Variants in KL observed in about 807,000 individuals in gnomAD.
KL encodes the protein alpha-klotho.
KL carries 62 observed loss-of-function variants against 84.2 expected under a neutral mutation model. The observed-to-expected ratio is 0.74, with a 90% confidence interval of 0.60 to 0.91. The LOEUF (loss-of-function observed/expected upper bound fraction) is 0.91, where lower values mean the gene tolerates loss of function less well. KL is among the 40% of genes least tolerant of loss of function. KL has a pLI of 0.00. For missense variants in KL, 1,261 were observed against 1,305.7 expected (o/e 0.97, Z 0.53); for synonymous variants, 528 against 528.0 (o/e 1.00, Z 0.00).
chr13:33,051,000 G>A (rs116166343), intron 1 of KL, among the ~76,000 whole-genome samples: 1,873 of 152,256 alleles, frequency 0.012, 39 homozygotes, highest in African/African-American at 0.042. Context: ...TTATCAGTAT[G>A]TCACATCGCT....
chr13:33,017,499 G>A, intron 1 of KL, among the ~76,000 whole-genome samples: 1 of 152,330 alleles, frequency 6.6e-6, no homozygotes, highest in East Asian at 1.9e-4. Flanking sequence ...GAAAGGAAGC[G>A]GTGATAGGTT....
At position 33,019,732 on chromosome 13, in the gene KL, T is replaced by TGTGTGAGAGA. The variant is rs139721497; in HGVS notation, c.819+2474_819+2475insTGTGAGAGAG. ...TGGTGTGTGTGTGTGTGTGTGTGTG[T>TGTGTGAGAGA]GAGAGAGAGAGAGAGAGAGAGAGAG... On this transcript the variant is annotated intron_variant, in intron 1 of 4. Transcript: ENST00000380099. Among the ~76,000 whole-genome samples, 25 of 133,464 alleles carry TGTGTGAGAGA rather than the reference T, an allele frequency of 1.9e-4. No homozygotes were observed. In the South Asian group the frequency reaches 5.5e-3, roughly 29 times the overall value. The allele number at this position is 133,464 out of a possible 152,430, so 87.6% of individuals were successfully genotyped here. A position where few individuals can be genotyped will look rare whatever the true frequency, so the allele number is the denominator to read the frequency against.
intron 1 of KL, among the ~76,000 whole-genome samples, chr13:33,048,825 C>T (rs2283370): frequency 0.11 from 16,789 of 152,120 alleles, 1,236 homozygotes; most frequent in East Asian, 0.29. Flanking sequence ...GTGGGGGATA[C>T]GTATAGGCAA....
chr13:33,043,116 T>A (rs928126252), intron 1 of KL, among the ~76,000 whole-genome samples: 4 of 152,230 alleles, frequency 2.6e-5, no homozygotes, highest in African/African-American at 9.6e-5. Context: ...CTATCTTTAA[T>A]TTTATAAGAA....
At chr13:33,031,408 A>G (rs1045299487) in intron 1 of KL, among the ~76,000 whole-genome samples, 2 of 151,890 alleles carry the variant, frequency 1.3e-5, no homozygotes, top group African/African-American at 2.4e-5. Context: ...ACGATCATAG[A>G]AAACATGATA....
chr13:33,030,222 C>T (rs958899541), intron 1 of KL, among the ~76,000 whole-genome samples: 2 of 152,122 alleles, frequency 1.3e-5, no homozygotes, highest in African/African-American at 4.8e-5. Flanking sequence ...TCGCTTAATA[C>T]TATTACAATG....
At chr13:33,028,495 C>T (rs1316831638) in intron 1 of KL, among the ~76,000 whole-genome samples, 2 of 152,126 alleles carry the variant, frequency 1.3e-5, no homozygotes. Flanking sequence ...TATGAAAGGG[C>T]AGGTCTAACC....
At chr13:33,026,849 T>C (rs1341726486) in intron 1 of KL, among the ~76,000 whole-genome samples, 1 of 152,234 alleles carries the variant, frequency 6.6e-6, no homozygotes, top group East Asian at 1.9e-4. Context: ...CACTGTCCTC[T>C]GGTGGGTTGT....
At chr13:33,062,967 A>G (rs930939632) in intron 4 of KL, among the ~76,000 whole-genome samples, 1 of 152,040 alleles carries the variant, frequency 6.6e-6, no homozygotes, top group South Asian at 2.1e-4. Context: ...GGGAAAATGA[A>G]GTAACAGGTT....
rs963744044 is a variant in KL at position 33,054,903 on chromosome 13, C to A, written c.1331-144C>A. 1.1e-5 allele frequency: 12 copies of A among 1,060,246 alleles called. No individual in the cohort carries two copies. In the Admixed American group the frequency reaches 2.4e-4, roughly 21 times the overall value. 65.7% of individuals were successfully genotyped at this position (1,060,246 alleles called of 1,614,324 possible). On this transcript the variant is annotated intron_variant, in intron 2 of 4. Coordinates refer to ENST00000380099, the MANE Select transcript of KL (RefSeq NM_004795.4). ...TTATATAGGTTTGATTAGAGTCTTT[C>A]GTCAAGAAGAAAAATCATTGGCTTA...
intron 1 of KL, among the ~76,000 whole-genome samples, chr13:33,023,669 T>C (rs1429128143): frequency 6.6e-6 from 1 of 152,118 alleles, no homozygotes; most frequent in East Asian, 1.9e-4. Flanking sequence ...GATTGAACTT[T>C]TGTGGCCCCA....
chr13:33,024,592 G>C (rs149451676), intron 1 of KL, among the ~76,000 whole-genome samples: 1 of 152,242 alleles, frequency 6.6e-6, no homozygotes. Context: ...TCCAGAGGAC[G>C]GCTGCAAAGC....
chr13:33,064,656 T>G lies in KL; in HGVS notation c.*470T>G, dbSNP rs1002909708. On this transcript the variant is annotated 3_prime_UTR_variant, in exon 5 of 5. Transcript: ENST00000380099. ...CTAGTGGCTTCCCCTCTGTCAAATC[T>G]AGTTTCCTATGGAAAAGAAGATGGC... The G allele has an allele frequency of 3.8e-5, 9 of 236,404 alleles. No individual in the cohort carries two copies. The highest frequency in any genetic ancestry group is 7.5e-5 in the Non-Finnish European group (9 of 120,388). The allele number at this position is 236,404 out of a possible 1,614,324, so 14.6% of individuals were successfully genotyped here.
chr13:33,028,022 G>A (rs1425225705), intron 1 of KL, among the ~76,000 whole-genome samples: 2 of 152,260 alleles, frequency 1.3e-5, no homozygotes, highest in Non-Finnish European at 1.5e-5. Flanking sequence ...AAGAGTTTCA[G>A]TTGGCACTGT....
At position 33,016,444 on chromosome 13, in the gene KL, C is replaced by T. The variant is rs1425467064; in HGVS notation, c.4C>T (p.Pro2Ser). 27 of 959,334 alleles carry T rather than the reference C, an allele frequency of 2.8e-5. No homozygotes were observed. In the South Asian group the frequency reaches 6.5e-4, roughly 23 times the overall value. The allele number at this position is 959,334 out of a possible 1,614,324, so 59.4% of individuals were successfully genotyped here. Residue 2 changes from proline (P) to serine (S), a missense_variant, in exon 1 of 5, where the codon CCC becomes TCC. Pro to Ser is a moderately conservative substitution (Grantham distance 74). Coordinates refer to ENST00000380099, the MANE Select transcript of KL (RefSeq NM_004795.4). Reference sequence around the variant, plus strand: ...CGGAGCCTGGCTCCCGCGCAGCATGCCCGCCAGCGCCCCGCCGCGCCGCCC... The same window carrying T: ...CGGAGCCTGGCTCCCGCGCAGCATGTCCGCCAGCGCCCCGCCGCGCCGCCC... Reference protein sequence around the residue: MPASAPPRRPRP... With the variant: MSASAPPRRPRP...
chr13:33,033,685 C>T (rs1175539557), intron 1 of KL, among the ~76,000 whole-genome samples: 1 of 151,912 alleles, frequency 6.6e-6, no homozygotes, highest in Non-Finnish European at 1.5e-5. Flanking sequence ...GACTTCCTGT[C>T]TCCTGGAGGC....
rs1871913433 is a variant in KL at position 33,055,239 on chromosome 13, C to T, written c.1523C>T (p.Pro508Leu). ...QKLIEKNGFPPLPENQPLEGT... is the reference protein window; with the variant it reads ...QKLIEKNGFPLLPENQPLEGT... ...CTGATAGAGAAAAATGGCTTCCCTC[C>T]TTTACCTGAAAATCAGCCCCTAGAA... is the stretch of plus-strand genomic sequence containing the variant. The change falls in exon 3 of 5, where the codon CCT (proline) becomes CTT (leucine). Residue 508 changes from proline to leucine, a missense_variant. Pro to Leu is a moderately conservative substitution (Grantham distance 98, BLOSUM62 -3). Transcript: ENST00000380099. 6.2e-7 allele frequency: 1 copy of T among 1,614,224 alleles called. No homozygotes were observed. Among genetic ancestry groups the T allele is most frequent in the East Asian group, 2.2e-5 (1 of 44,884 alleles).
intron 2 of KL, 23 bp downstream of exon 2, chr13:33,054,300 C>A: frequency 6.2e-7 from 1 of 1,607,236 alleles, no homozygotes; most frequent in South Asian, 1.1e-5. Context: ...GTAAAGTTCT[C>A]ATTTCCTGCC....
chr13:33,017,182 T>A lies in KL; in HGVS notation c.742T>A (p.Tyr248Asn). ...CCCCTACGTGGTGGCCTGGCACGGC[T>A]ACGCCACCGGGCGCCTGGCCCCCGG... is the stretch of plus-strand genomic sequence containing the variant. ...DNPYVVAWHG[Y>N]ATGRLAPGIR... Residue 248 changes from tyrosine to asparagine, a missense_variant, in exon 1 of 5, where the codon TAC becomes AAC. Coordinates refer to ENST00000380099, the MANE Select transcript of KL (RefSeq NM_004795.4). 1 of 1,599,178 alleles carries A rather than the reference T, an allele frequency of 6.3e-7. No individual in the cohort carries two copies. The highest frequency in any genetic ancestry group is 8.5e-7 in the Non-Finnish European group (1 of 1,179,474).
Sources: gnomAD v4.1 joint callset for allele counts (sites outside exome capture counted in the v4.1 genomes callset) on GRCh38, gnomAD v4.1.1 for gene constraint, MANE v1.5 for transcripts, NCBI Gene and HGNC (gene_info 2026-07-23, HGNC 2026-07-21) for gene names.